Variants in RHOA observed in about 807,000 individuals in gnomAD.
RHOA encodes the protein ras homolog family member A.
RHOA carries 3 observed loss-of-function variants against 17.5 expected under a neutral mutation model. The ratio of observed to expected loss-of-function variants is 0.17; its 90% confidence interval spans 0.08 to 0.44. The LOEUF (loss-of-function observed/expected upper bound fraction) is 0.44, where lower values mean the gene tolerates loss of function less well. Ranked by LOEUF, RHOA falls within the 20% of genes least tolerant of loss-of-function variation. The pLI is 0.99. For missense variants in RHOA, 56 were observed against 242.3 expected, an observed-to-expected ratio of 0.23 and a Z score of 5.10; for synonymous variants, 98 against 88.4, an observed-to-expected ratio of 1.11 and a Z score of -0.61.
chr3:49,360,120 A>T lies in RHOA; in HGVS notation c.*89T>A. On this transcript the variant is annotated 3_prime_UTR_variant, in exon 5 of 5. Coordinates refer to ENST00000418115, the MANE Select transcript of RHOA (RefSeq NM_001664.4). The stretch of plus-strand genomic sequence containing the variant: ...ATTTGTAATCTTAGGTAAATTATAG[A>T]TAAATGAAAAAGGCCAGTAATCATA... The T allele has an allele frequency of 7.6e-7, 1 of 1,311,826 alleles. No homozygotes were observed. Among genetic ancestry groups the T allele is most frequent in the Non-Finnish European group, 1.1e-6 (1 of 951,046 alleles). 81.3% of individuals were successfully genotyped at this position (1,311,826 alleles called of 1,614,324 possible).
In RHOA at chr3:49,395,182, C is replaced by T. The variant is rs1355403340; in HGVS notation, c.-3+16638G>A. On this transcript the variant is annotated intron_variant, in intron 1 of 4. Transcript: ENST00000418115. ...AGGAGAATGACGTGAACCCGGGAGG[C>T]GGAGCTTGCAGTGAGCCGAGATCGC... Among the ~76,000 whole-genome samples, 5 of 150,024 alleles carry T rather than the reference C, an allele frequency of 3.3e-5. No individual in the cohort carries two copies. In the East Asian group the frequency reaches 7.9e-4, roughly 24 times the overall value.
chr3:49,381,208 C>G (rs2048311215), intron 1 of RHOA, among the ~76,000 whole-genome samples: 1 of 151,396 alleles, frequency 6.6e-6, no homozygotes, highest in African/African-American at 2.4e-5. Context: ...AGTTCAAGAC[C>G]AGCCTGGCCA....
intron 3 of RHOA, among the ~76,000 whole-genome samples, chr3:49,363,137 G>T (rs1314576459): frequency 6.6e-6 from 1 of 152,180 alleles, no homozygotes; most frequent in African/African-American, 2.4e-5. Context: ...AGTGACTTTT[G>T]GCCGGGAGCG....
chr3:49,409,342 C>A (rs968066815), intron 1 of RHOA, among the ~76,000 whole-genome samples: 8 of 152,168 alleles, frequency 5.3e-5, no homozygotes, highest in African/African-American at 1.9e-4. Flanking sequence ...GTGCAGTGAG[C>A]TGAGATCGCG....
chr3:49,390,748 T>C (rs867933127), intron 1 of RHOA, among the ~76,000 whole-genome samples: 3 of 152,040 alleles, frequency 2.0e-5, no homozygotes, highest in Admixed American at 6.6e-5. Context: ...ACTGAAAAAA[T>C]CTATTTCAGA....
chr3:49,370,438 G>A (rs899937046), intron 2 of RHOA, among the ~76,000 whole-genome samples: 2 of 152,128 alleles, frequency 1.3e-5, no homozygotes, highest in Non-Finnish European at 2.9e-5. Flanking sequence ...AGGCGAGAGA[G>A]GAAGATACAA....
chr3:49,368,450 G>T lies in RHOA; in HGVS notation c.255C>A (p.Ser85=), dbSNP rs2107838413. 1 of 1,613,964 alleles carries T rather than the reference G, an allele frequency of 6.2e-7. No homozygotes were observed. The highest frequency in any genetic ancestry group is 8.5e-7 in the Non-Finnish European group (1 of 1,179,924). ...PDTDVILMCF[S]IDSPDSLENI... The stretch of plus-strand genomic sequence containing the variant: ...CACCTAAACTATCAGGGCTGTCGAT[G>T]GAAAAACACATCAGTATAACATCGG... Residue 85 remains serine, a synonymous_variant, in exon 3 of 5, where the codon TCC becomes TCA. Transcript: ENST00000418115.
intron 1 of RHOA, among the ~76,000 whole-genome samples, chr3:49,390,348 C>A (rs2048477776): frequency 2.0e-5 from 3 of 151,708 alleles, no homozygotes; most frequent in South Asian, 4.2e-4. Flanking sequence ...CCAGGCTGGT[C>A]TTGAACTCCT....
At chr3:49,410,406 C>T (rs2048913366) in intron 1 of RHOA, among the ~76,000 whole-genome samples, 1 of 152,172 alleles carries the variant, frequency 6.6e-6, no homozygotes, top group Admixed American at 6.6e-5. Flanking sequence ...CCCTCCAACA[C>T]AGATTTTTAT....
At chr3:49,376,739 C>T (rs2048234527) in intron 1 of RHOA, among the ~76,000 whole-genome samples, 2 of 151,466 alleles carry the variant, frequency 1.3e-5, no homozygotes, top group Non-Finnish European at 2.9e-5. Flanking sequence ...AGGAAAGAAC[C>T]AAAAAAGTCA....
intron 1 of RHOA, among the ~76,000 whole-genome samples, chr3:49,399,083 A>AAAAAAAAAC (rs2048673528): frequency 7.8e-6 from 1 of 128,054 alleles, no homozygotes; most frequent in Non-Finnish European, 1.7e-5. Context: ...AAAAAAAAAA[A>AAAAAAAAAC]AAAAGGCTGG....
chr3:49,410,568 T>C (rs1352688007), intron 1 of RHOA, among the ~76,000 whole-genome samples: 3 of 152,210 alleles, frequency 2.0e-5, no homozygotes, highest in Non-Finnish European at 4.4e-5. Flanking sequence ...AAGTCATTCT[T>C]TACAATTAAA....
intron 2 of RHOA, among the ~76,000 whole-genome samples, chr3:49,374,589 C>T (rs779017348): frequency 1.8e-4 from 28 of 151,820 alleles, no homozygotes; most frequent in Admixed American, 8.5e-4. Flanking sequence ...TGGCGGCGTG[C>T]GCCTGTAATC....
At chr3:49,387,417 C>G (rs548283314) in intron 1 of RHOA, among the ~76,000 whole-genome samples, 2 of 138,442 alleles carry the variant, frequency 1.4e-5, no homozygotes, top group Admixed American at 8.0e-5. Flanking sequence ...GCACTCCAGC[C>G]TAGGTGACAG....
intron 1 of RHOA, among the ~76,000 whole-genome samples, chr3:49,394,162 C>A (rs1056570513): frequency 6.7e-6 from 1 of 149,822 alleles, no homozygotes; most frequent in Non-Finnish European, 1.5e-5. Context: ...GAGCCACCGC[C>A]CCCGGCCTAA....
chr3:49,410,168 C>T (rs755043458), intron 1 of RHOA, among the ~76,000 whole-genome samples: 3 of 152,152 alleles, frequency 2.0e-5, no homozygotes, highest in Non-Finnish European at 2.9e-5. Context: ...GCTAGAAGTC[C>T]TGAATTTTAG....
chr3:49,366,149 C>T (rs1227928084), intron 3 of RHOA, among the ~76,000 whole-genome samples: 3 of 152,158 alleles, frequency 2.0e-5, no homozygotes, highest in African/African-American at 4.8e-5. Flanking sequence ...AGGGCAAAGG[C>T]ACACAGTCCT....
At chr3:49,380,951 G>A (rs1338477414) in intron 1 of RHOA, among the ~76,000 whole-genome samples, 1 of 137,248 alleles carries the variant, frequency 7.3e-6, no homozygotes, top group Non-Finnish European at 1.6e-5. Flanking sequence ...TATATATATA[G>A]ATACAGATAT....
chr3:49,398,791 G>C (rs2107894598), intron 1 of RHOA, among the ~76,000 whole-genome samples: 1 of 121,786 alleles, frequency 8.2e-6, no homozygotes, highest in Admixed American at 1.1e-4. Flanking sequence ...AGTGAGCCGA[G>C]ATTATGCCAC....
Sources: allele counts gnomAD v4.1 joint callset (sites outside exome capture counted in the v4.1 genomes callset), GRCh38; gene constraint gnomAD v4.1.1; transcripts MANE v1.5; gene names NCBI Gene and HGNC (gene_info 2026-07-23, HGNC 2026-07-21).